MICU3: variants seen among roughly 807,000 people sequenced by gnomAD.
The protein encoded by MICU3 is mitochondrial calcium uptake 3, also known as calcium uptake protein 3, mitochondrial.
A neutral mutation model predicts 66.5 loss-of-function variants in MICU3; 62 were observed. That is an observed-to-expected ratio of 0.93 (90% CI 0.76 to 1.15). The LOEUF (loss-of-function observed/expected upper bound fraction) is 1.15. Among genes scored for constraint, MICU3 ranks in the 50% most tolerant of loss-of-function variants. The pLI, the probability that MICU3 is intolerant of heterozygous loss-of-function variation, is 0.00. For missense variants in MICU3, 779 were observed against 664.4 expected (o/e 1.17, Z -1.90); for synonymous variants, 308 against 240.7 (o/e 1.28, Z -2.59).
At chr8:17,065,611 G>A (rs1818559314) in intron 2 of MICU3, among the ~76,000 whole-genome samples, 1 of 152,160 alleles carries the variant, frequency 6.6e-6, no homozygotes, top group African/African-American at 2.4e-5. Flanking sequence ...AGTCATGGAA[G>A]CCGAGTAAAA....
At chr8:17,083,828 A>G (rs557290949) in intron 5 of MICU3, among the ~76,000 whole-genome samples, 2 of 152,072 alleles carry the variant, frequency 1.3e-5, no homozygotes, top group Non-Finnish European at 2.9e-5. Flanking sequence ...GTTTGACAAA[A>G]CAATGATGGA....
At chr8:17,088,024 T>C (rs979873396) in intron 7 of MICU3, among the ~76,000 whole-genome samples, 1 of 152,004 alleles carries the variant, frequency 6.6e-6, no homozygotes, top group Non-Finnish European at 1.5e-5. Context: ...TTTATAAGAA[T>C]ATGTATTAGG....
At chr8:17,088,360 C>T (rs1299453962) in intron 7 of MICU3, among the ~76,000 whole-genome samples, 3 of 151,928 alleles carry the variant, frequency 2.0e-5, no homozygotes, top group African/African-American at 7.2e-5. Context: ...ATAAATCCTA[C>T]ATGAATAGCC....
At chr8:17,031,267 TA>T (rs201216812) in intron 1 of MICU3, among the ~76,000 whole-genome samples, 2,009 of 143,094 alleles carry the variant, frequency 0.014, 50 homozygotes, top group African/African-American at 0.051. Context: ...CTTCATTTAT[TA>T]TTATTATTAT....
intron 3 of MICU3, among the ~76,000 whole-genome samples, chr8:17,074,054 G>GT (rs1585349335): frequency 2.1e-4 from 32 of 149,524 alleles, no homozygotes; most frequent in Admixed American, 1.1e-3. Flanking sequence ...TTTTCTTTTT[G>GT]GTTTTTTTTT....
intron 13 of MICU3, among the ~76,000 whole-genome samples, chr8:17,117,515 C>T (rs1802797348): frequency 6.6e-6 from 1 of 151,506 alleles, no homozygotes; most frequent in Non-Finnish European, 1.5e-5. Context: ...TATGGATGTG[C>T]CACAAATAGA....
chr8:17,050,589 T>C (rs957556956), intron 1 of MICU3, among the ~76,000 whole-genome samples: 12 of 152,154 alleles, frequency 7.9e-5, no homozygotes, highest in East Asian at 3.8e-4. Context: ...CCATTTCTAG[T>C]TGAGATCTAT....
At chr8:17,035,291 G>C (rs572803420) in intron 1 of MICU3, among the ~76,000 whole-genome samples, 1 of 152,310 alleles carries the variant, frequency 6.6e-6, no homozygotes, top group East Asian at 1.9e-4. Flanking sequence ...TGGTAGAGGG[G>C]GGTGCTGTTG....
intron 12 of MICU3, 47 bp downstream of exon 12, chr8:17,114,248 T>G (rs1649932874): frequency 8.1e-7 from 1 of 1,238,012 alleles, no homozygotes; most frequent in Non-Finnish European, 1.2e-6. Flanking sequence ...AATACTACAT[T>G]GTTTCTATAG....
At chr8:17,127,949 T>A in the MICU3 span, among the ~76,000 whole-genome samples, 1 of 152,128 alleles carries the variant, frequency 6.6e-6, no homozygotes, top group Non-Finnish European at 1.5e-5. Context: ...AACTATCAGT[T>A]TAGAGCCTGA....
chr8:17,094,062 T>G (rs1800387826), intron 8 of MICU3, among the ~76,000 whole-genome samples: 1 of 152,020 alleles, frequency 6.6e-6, no homozygotes, highest in Admixed American at 6.6e-5. Context: ...TGTAAATCAC[T>G]TACTTGCTTT....
chr8:17,091,870 G>GT (rs550848783), intron 8 of MICU3, among the ~76,000 whole-genome samples: 118 of 151,514 alleles, frequency 7.8e-4, no homozygotes, highest in Non-Finnish European at 1.2e-3. Context: ...CTTTATGGGG[G>GT]TTTTTTTTGT....
chr8:17,028,525 C>T (rs1000498282), intron 1 of MICU3, among the ~76,000 whole-genome samples: 1 of 152,102 alleles, frequency 6.6e-6, no homozygotes, highest in Non-Finnish European at 1.5e-5. Context: ...TTGCAAGGCT[C>T]GAAGAATGTG....
chr8:17,049,086 A>G (rs1039210720), intron 1 of MICU3, among the ~76,000 whole-genome samples: 1 of 152,196 alleles, frequency 6.6e-6, no homozygotes, highest in Non-Finnish European at 1.5e-5. Flanking sequence ...AAGTAACTGA[A>G]TATTTCAGAC....
chr8:17,079,942 T>C (rs1365120858), intron 4 of MICU3, among the ~76,000 whole-genome samples: 3 of 152,160 alleles, frequency 2.0e-5, no homozygotes, highest in African/African-American at 7.2e-5. Context: ...TGCAATGTAT[T>C]GTGTATAGGA....
Position 17,121,246 on chromosome 8 carries a change from A to G in MICU3, c.*959A>G, listed in dbSNP as rs570658329. ...ATAAAATGGTTTATAAGACTGATGT[A>G]TATATTAAGTAGAAGCTAATATTTT... On this transcript the variant is annotated 3_prime_UTR_variant, in exon 15 of 15. Transcript: ENST00000318063. The G allele has an allele frequency of 3.3e-5, 5 of 152,078 alleles. No homozygotes were observed. The South Asian group carries it at 8.3e-4, about 25-fold the overall frequency. The allele number at this position is 152,078 out of a possible 1,614,324, so 9.4% of individuals were successfully genotyped here.
the MICU3 span, chr8:17,131,277 C>T: frequency 5.3e-5 from 8 of 152,202 alleles, no homozygotes; most frequent in Non-Finnish European, 7.3e-5. Context: ...CCTACTAGGG[C>T]TGAAATCCAG....
intron 12 of MICU3, among the ~76,000 whole-genome samples, chr8:17,115,262 A>G (rs575119839): frequency 1.3e-5 from 2 of 152,294 alleles, no homozygotes; most frequent in East Asian, 3.9e-4. Context: ...TCATTTATTC[A>G]TTGAATAAGA....
the MICU3 span, among the ~76,000 whole-genome samples, chr8:17,136,653 ACTG>A: frequency 6.6e-6 from 1 of 151,646 alleles, no homozygotes; most frequent in Non-Finnish European, 1.5e-5. Context: ...CTGTCCAGCT[ACTG>A]CTGCCAGTCT....
Sources: gnomAD v4.1 joint callset for allele counts (sites outside exome capture counted in the v4.1 genomes callset) on GRCh38, gnomAD v4.1.1 for gene constraint, MANE v1.5 for transcripts, NCBI Gene and HGNC (gene_info 2026-07-23, HGNC 2026-07-21) for gene names.